CLMN: variants seen among roughly 807,000 people sequenced by gnomAD.
The protein encoded by CLMN is calmin.
A neutral mutation model predicts 92.7 loss-of-function variants in CLMN; 57 were observed. That is an observed-to-expected ratio of 0.61 (90% CI 0.50 to 0.77). The LOEUF is 0.77. CLMN is among the 30% of genes least tolerant of loss of function. CLMN has a pLI of 0.00. For missense variants in CLMN, 1,158 were observed against 1,237.5 expected, an observed-to-expected ratio of 0.94 and a Z score of 0.96; for synonymous variants, 466 against 470.6, an observed-to-expected ratio of 0.99 and a Z score of 0.13.
At chr14:95,267,891 C>T (rs562024974) in intron 1 of CLMN, among the ~76,000 whole-genome samples, 14 of 152,252 alleles carry the variant, frequency 9.2e-5, no homozygotes, top group African/African-American at 3.4e-4. Flanking sequence ...AACTGGAGAT[C>T]ATTATGTTAA....
chr14:95,260,533 T>C (rs1899209808), intron 1 of CLMN: 1 of 152,164 alleles, frequency 6.6e-6, no homozygotes, highest in Non-Finnish European at 1.5e-5. Flanking sequence ...CTGCTATGAG[T>C]GGAGACGTTA....
intron 1 of CLMN, among the ~76,000 whole-genome samples, chr14:95,245,221 TATATTATATATATATATTA>T (rs1898464829): frequency 6.0e-5 from 2 of 33,112 alleles, no homozygotes; most frequent in South Asian, 9.0e-4. Flanking sequence ...TATATATATA[TATATTATATATATATATTA>T]TATATATATA....
chr14:95,298,834 T>C (rs1364339347), intron 1 of CLMN, among the ~76,000 whole-genome samples: 3 of 152,158 alleles, frequency 2.0e-5, no homozygotes, highest in Non-Finnish European at 4.4e-5. Context: ...AAAGGGAGTT[T>C]AGAGATGCGC....
At chr14:95,307,779 G>C (rs1901350566) in intron 1 of CLMN, 1 of 152,228 alleles carries the variant, frequency 6.6e-6, no homozygotes, top group South Asian at 2.1e-4. Flanking sequence ...GTACATGAAA[G>C]AAGAGGAAGC....
At chr14:95,291,266 C>T (rs1595101272) in intron 1 of CLMN, among the ~76,000 whole-genome samples, 1 of 152,222 alleles carries the variant, frequency 6.6e-6, no homozygotes. Context: ...CAGGAAACCA[C>T]CTGTTGCAGG....
intron 4 of CLMN, among the ~76,000 whole-genome samples, chr14:95,218,767 T>C (rs151081978): frequency 7.0e-4 from 107 of 152,300 alleles, no homozygotes; most frequent in African/African-American, 2.2e-3. Flanking sequence ...CAAGCTGACA[T>C]AGTATGCTCG....
chr14:95,298,263 G>A (rs764519080), intron 1 of CLMN, among the ~76,000 whole-genome samples: 1 of 151,496 alleles, frequency 6.6e-6, no homozygotes, highest in Non-Finnish European at 1.5e-5. Context: ...AAAACACAAA[G>A]AAGAGCCTGT....
chr14:95,241,078 TA>T (rs1297781290), intron 1 of CLMN, among the ~76,000 whole-genome samples: 12 of 147,992 alleles, frequency 8.1e-5, no homozygotes, highest in African/African-American at 5.0e-5. Context: ...TTCAGTTATT[TA>T]AAAAAAAAAA....
chr14:95,267,091 G>A (rs940954839), intron 1 of CLMN, among the ~76,000 whole-genome samples: 4 of 152,062 alleles, frequency 2.6e-5, no homozygotes, highest in Admixed American at 6.6e-5. Context: ...AAACATTGAG[G>A]AAATGCTCCA....
At position 95,223,866 on chromosome 14, in the gene CLMN, G is replaced by A. The variant is rs1321385621; in HGVS notation, c.145-11C>T. The A allele has an allele frequency of 3.8e-6, 6 of 1,596,840 alleles. No homozygotes were observed. In the South Asian group the frequency reaches 4.5e-5, roughly 12 times the overall value. On this transcript the variant is annotated splice_polypyrimidine_tract_variant and intron_variant, in intron 2 of 12. Transcript: ENST00000298912. ...TAGAGGTGGGTTGCACTTTGAAAGAGAAGGGAAGAAAGTAGCCAATTAGCA... is the reference window on the plus strand; with the variant it reads ...TAGAGGTGGGTTGCACTTTGAAAGAAAAGGGAAGAAAGTAGCCAATTAGCA...
At position 95,213,292 on chromosome 14, in the gene CLMN, C is replaced by T. The variant is rs767751056; in HGVS notation, c.535G>A (p.Val179Met). 2.7e-5 allele frequency: 43 copies of T among 1,614,036 alleles called. 1 individual carries two copies. Among genetic ancestry groups the T allele is most frequent in the Middle Eastern group, 3.3e-4 (2 of 6,060 alleles). The change falls in exon 6 of 13, where the codon GTG becomes ATG. Residue 179 changes from valine to methionine, a missense_variant. Coordinates refer to ENST00000298912, the MANE Select transcript of CLMN (RefSeq NM_024734.4). ...FPPTPTAERSVAISVKDQRKA... is the reference protein window; with the variant it reads ...FPPTPTAERSMAISVKDQRKA... Reference sequence around the variant, plus strand: ...CTCTGGTCTTTCACCGATATTGCCACGCTCCTCTCTGCAGTGGGTGTGGGT... The same window carrying T: ...CTCTGGTCTTTCACCGATATTGCCATGCTCCTCTCTGCAGTGGGTGTGGGT...
chr14:95,245,254 A>AATAT (rs1194306550), intron 1 of CLMN, among the ~76,000 whole-genome samples: 4 of 27,974 alleles, frequency 1.4e-4, no homozygotes, highest in African/African-American at 2.1e-4. Flanking sequence ...ATATATATAT[A>AATAT]ATATATATAT....
rs558576126 is a variant in CLMN, at chr14:95,302,384, A to C, written c.82+17327T>G. Reference sequence around the variant, plus strand: ...GAGGGAGGAAGGAAAAGGTTAGCCTAGACCTAGTCCTGATGAACTGAAATA... The same window carrying C: ...GAGGGAGGAAGGAAAAGGTTAGCCTCGACCTAGTCCTGATGAACTGAAATA... On this transcript the variant is annotated intron_variant, in intron 1 of 12. Transcript: ENST00000298912. Among the ~76,000 whole-genome samples the C allele has an allele frequency of 8.5e-4, 129 of 152,298 alleles. 1 individual carries two copies. The South Asian group carries it at 0.011, about 13-fold the overall frequency.
At chr14:95,207,764 T>A (rs1426110205) in intron 8 of CLMN, among the ~76,000 whole-genome samples, 1 of 152,140 alleles carries the variant, frequency 6.6e-6, no homozygotes, top group Non-Finnish European at 1.5e-5. Flanking sequence ...AAGGGGTCCG[T>A]ATGTGGTGCA....
chr14:95,306,823 T>C (rs1457750847), intron 1 of CLMN, among the ~76,000 whole-genome samples: 1 of 152,040 alleles, frequency 6.6e-6, no homozygotes. Flanking sequence ...TATGGGGAAG[T>C]TGAGAGGAGG....
At chr14:95,227,906 A>C (rs1291304233) in intron 2 of CLMN, among the ~76,000 whole-genome samples, 1 of 152,180 alleles carries the variant, frequency 6.6e-6, no homozygotes, top group East Asian at 1.9e-4. Context: ...CTTTACATGC[A>C]AGGTTGTTCT....
At chr14:95,313,667 GA>G (rs1006564859) in intron 1 of CLMN, among the ~76,000 whole-genome samples, 15 of 149,724 alleles carry the variant, frequency 1.0e-4, no homozygotes, top group South Asian at 8.4e-4. Context: ...CATGGGGAAA[GA>G]AAAAAAATTT....
chr14:95,193,862 G>A lies in CLMN; in HGVS notation c.2827C>T (p.Arg943Ter), dbSNP rs768119370. The A allele has an allele frequency of 6.8e-6, 11 of 1,613,724 alleles. No homozygotes were observed. Among genetic ancestry groups the A allele is most frequent in the African/African-American group, 1.3e-5 (1 of 74,852 alleles). Reference sequence around the variant, plus strand: ...AAAGCCACCAACCTGGTTAATATTCGGTTTCTTCTGTCATCCAGATCTGCT... The same window carrying A: ...AAAGCCACCAACCTGGTTAATATTCAGTTTCTTCTGTCATCCAGATCTGCT... Reference protein sequence around the residue: ...NAADLDDRRNRILTRKANSSG... With the variant: ...NAADLDDRRN The change falls in exon 12 of 13, where the codon CGA becomes TGA. Residue 943 changes from arginine (R) to a stop codon, truncating the protein, a stop_gained. Coordinates refer to ENST00000298912, the MANE Select transcript of CLMN (RefSeq NM_024734.4). LOFTEE classifies it high-confidence loss of function.
chr14:95,245,293 GTTTTA>G (rs1320383276), intron 1 of CLMN, among the ~76,000 whole-genome samples: 1 of 72,986 alleles, frequency 1.4e-5, no homozygotes, highest in Admixed American at 1.9e-4. Context: ...GTTTTGTTTT[GTTTTA>G]TTTTATTTTA....
Sources: gnomAD v4.1 joint callset for allele counts (sites outside exome capture counted in the v4.1 genomes callset) on GRCh38, gnomAD v4.1.1 for gene constraint, MANE v1.5 for transcripts, NCBI Gene and HGNC (gene_info 2026-07-23, HGNC 2026-07-21) for gene names.